OR56B2: variants seen among roughly 807,000 people sequenced by gnomAD.
OR56B2 encodes the protein olfactory receptor family 56 subfamily B member 2, also known as olfactory receptor 56B2.
chr11:5,762,960 T>C, the OR56B2 span, among the ~76,000 whole-genome samples: 1 of 152,050 alleles, frequency 6.6e-6, no homozygotes, highest in East Asian at 1.9e-4. Flanking sequence ...CATTTCACAA[T>C]TATTATTTTA....
chr11:5,764,116 A>G, the OR56B2 span, among the ~76,000 whole-genome samples: 2 of 141,226 alleles, frequency 1.4e-5, no homozygotes, highest in Non-Finnish European at 3.1e-5. Context: ...CTTAAAAGGA[A>G]AGAAGAAATA....
At chr11:5,765,898 T>C in the OR56B2 span, 1 of 139,752 alleles carries the variant, frequency 7.2e-6, no homozygotes, top group African/African-American at 2.6e-5. Flanking sequence ...GTGATTTCCA[T>C]TACTCGTAGT....
the OR56B2 span, among the ~76,000 whole-genome samples, chr11:5,761,704 G>A: frequency 6.6e-6 from 1 of 151,852 alleles, no homozygotes; most frequent in Non-Finnish European, 1.5e-5. Context: ...CATAATACCT[G>A]GTACCAGTTT....
At chr11:5,764,215 A>G in the OR56B2 span, among the ~76,000 whole-genome samples, 1 of 141,192 alleles carries the variant, frequency 7.1e-6, no homozygotes, top group East Asian at 2.0e-4. Context: ...TATAGAAAGG[A>G]GGTGTCAGAT....
At chr11:5,767,713 C>CAACA in the OR56B2 span, among the ~76,000 whole-genome samples, 1 of 139,108 alleles carries the variant, frequency 7.2e-6, no homozygotes. Context: ...ATTCTCCCAA[C>CAACA]AACAAACAAA....
chr11:5,765,207 C>A, the OR56B2 span: 1 of 183,738 alleles, frequency 5.4e-6, no homozygotes, highest in Admixed American at 5.6e-5. Flanking sequence ...GCTCTCCCTG[C>A]CCCTGGCTCT....
chr11:5,761,886 CTT>C, the OR56B2 span, among the ~76,000 whole-genome samples: 455 of 152,122 alleles, frequency 3.0e-3, no homozygotes, highest in African/African-American at 0.01. Context: ...GAGGCTAAGA[CTT>C]TTGTTGAAGT....
At chr11:5,761,540 C>A in the OR56B2 span, among the ~76,000 whole-genome samples, 1 of 151,984 alleles carries the variant, frequency 6.6e-6, no homozygotes, top group Non-Finnish European at 1.5e-5. Flanking sequence ...ATTGTTTTGG[C>A]ATATTTTATT....
chr11:5,762,664 A>T, the OR56B2 span, among the ~76,000 whole-genome samples: 1 of 152,092 alleles, frequency 6.6e-6, no homozygotes, highest in Non-Finnish European at 1.5e-5. Flanking sequence ...AAATAGCTGG[A>T]AGAGAATAAT....
the OR56B2 span, among the ~76,000 whole-genome samples, chr11:5,764,121 GAAAT>G: frequency 7.1e-6 from 1 of 140,708 alleles, no homozygotes; most frequent in African/African-American, 2.6e-5. Context: ...AAGGAAAGAA[GAAAT>G]AAATAGTGCA....
the OR56B2 span, among the ~76,000 whole-genome samples, chr11:5,764,381 A>C: frequency 7.1e-6 from 1 of 140,586 alleles, no homozygotes; most frequent in Admixed American, 7.3e-5. Flanking sequence ...TACTCCAAAA[A>C]CCAAAAATAT....
At chr11:5,761,631 A>G in the OR56B2 span, among the ~76,000 whole-genome samples, 456 of 151,960 alleles carry the variant, frequency 3.0e-3, 3 homozygotes, top group African/African-American at 0.011. Context: ...AGACACTGTA[A>G]CTCTCCAGCT....
the OR56B2 span, among the ~76,000 whole-genome samples, chr11:5,762,072 T>C: frequency 6.6e-6 from 1 of 152,258 alleles, no homozygotes; most frequent in East Asian, 1.9e-4. Flanking sequence ...CATCAATATA[T>C]AAATATAATC....
At chr11:5,763,236 G>A in the OR56B2 span, among the ~76,000 whole-genome samples, 3 of 151,868 alleles carry the variant, frequency 2.0e-5, no homozygotes, top group South Asian at 2.1e-4. Flanking sequence ...TGAGATATCC[G>A]CTATACTCTT....
At chr11:5,767,865 C>A in the OR56B2 span, among the ~76,000 whole-genome samples, 1 of 136,760 alleles carries the variant, frequency 7.3e-6, no homozygotes, top group East Asian at 2.1e-4. Context: ...TAGGTTAAGT[C>A]TATAGAAAAA....
chr11:5,762,959 A>T, the OR56B2 span, among the ~76,000 whole-genome samples: 10 of 152,010 alleles, frequency 6.6e-5, no homozygotes, highest in Admixed American at 2.0e-4. Flanking sequence ...TCATTTCACA[A>T]TTATTATTTT....
At chr11:5,767,826 T>G in the OR56B2 span, among the ~76,000 whole-genome samples, 193 of 139,258 alleles carry the variant, frequency 1.4e-3, 34 homozygotes, top group Middle Eastern at 7.5e-3. Context: ...CCACCTAGTA[T>G]CTGATTCCAT....
chr11:5,767,679 A>C, the OR56B2 span, among the ~76,000 whole-genome samples: 3 of 139,744 alleles, frequency 2.1e-5, no homozygotes. Context: ...TGTATAGTAA[A>C]GAGGAAAAAT....
chr11:5,765,184 G>T, the OR56B2 span: 1 of 179,814 alleles, frequency 5.6e-6, no homozygotes, highest in Non-Finnish European at 1.3e-5. Context: ...GGCATTCACA[G>T]TTGGCAGCAC....
Sources: allele counts gnomAD v4.1 joint callset (sites outside exome capture counted in the v4.1 genomes callset), GRCh38; gene constraint gnomAD v4.1.1; transcripts MANE v1.5; gene names NCBI Gene and HGNC (gene_info 2026-07-23, HGNC 2026-07-21).